The following NFXL1 variants were observed in gnomAD, a reference collection of about 807,000 sequenced individuals.
The protein encoded by NFXL1 is NF-X1-type zinc finger protein NFXL1.
A neutral mutation model predicts 123.3 loss-of-function variants in NFXL1; 66 were observed. The ratio of observed to expected loss-of-function variants is 0.54; its 90% CI spans 0.44 to 0.66. NFXL1 has a LOEUF of 0.66. Among genes scored for constraint, NFXL1 ranks in the 30% least tolerant of loss-of-function variants. The pLI is 0.00. For synonymous variants in NFXL1, 346 were observed against 360.8 expected (o/e 0.96, Z 0.46); for missense variants, 944 against 1,125.6 (o/e 0.84, Z 2.31).
At chr4:47,881,113 CTATAGA>C (rs1315173672) in intron 15 of NFXL1, among the ~76,000 whole-genome samples, 8 of 151,844 alleles carry the variant, frequency 5.3e-5, no homozygotes, top group Non-Finnish European at 1.0e-4. Context: ...CAATGGATAT[CTATAGA>C]TATAGATATC....
At chr4:47,902,507 G>A (rs575756186) in intron 5 of NFXL1, among the ~76,000 whole-genome samples, 83 of 152,116 alleles carry the variant, frequency 5.5e-4, no homozygotes, top group African/African-American at 1.9e-3. Context: ...ATAAAACTGG[G>A]AATCTTATAA....
In NFXL1 at chr4:47,855,137, C is replaced by T. The variant is rs1342608360; in HGVS notation, c.2343G>A (p.Glu781=). 1.3e-6 allele frequency: 2 copies of T among 1,588,082 alleles called. No individual in the cohort carries two copies. Among genetic ancestry groups the T allele is most frequent in the East Asian group, 2.3e-5 (1 of 44,014 alleles). The part of the protein sequence containing the change: ...KELPCGHRCK[E]MCHPGECPFN... Reference sequence around the variant, plus strand: ...AGGGACATTCACCAGGATGACACATCTCTTTGCATCTATGACCACAAGGAA... The same window carrying T: ...AGGGACATTCACCAGGATGACACATTTCTTTGCATCTATGACCACAAGGAA... The change falls in exon 20 of 23, where the codon GAG becomes GAA. Residue 781 remains glutamate (E), a synonymous_variant. Transcript: ENST00000507489.
intron 18 of NFXL1, among the ~76,000 whole-genome samples, chr4:47,866,175 G>A (rs747279102): frequency 1.3e-5 from 2 of 151,858 alleles, no homozygotes; most frequent in Non-Finnish European, 2.9e-5. Context: ...CAAGATTCAA[G>A]TAGCCAATCT....
intron 15 of NFXL1, chr4:47,882,376 C>G (rs182852304): frequency 6.6e-6 from 1 of 152,178 alleles, no homozygotes; most frequent in Non-Finnish European, 1.5e-5. Context: ...AAGGCATACA[C>G]ATTTCCATTT....
intron 2 of NFXL1, among the ~76,000 whole-genome samples, chr4:47,911,452 T>C (rs972673706): frequency 5.9e-5 from 9 of 152,148 alleles, no homozygotes; most frequent in Non-Finnish European, 8.8e-5. Flanking sequence ...ACAGGTAGGA[T>C]AGGACACGAC....
At chr4:47,911,287 T>TA (rs1468145449) in intron 2 of NFXL1, among the ~76,000 whole-genome samples, 3 of 152,148 alleles carry the variant, frequency 2.0e-5, no homozygotes, top group African/African-American at 4.8e-5. Context: ...ACTATCAAAA[T>TA]ACTGGTGATC....
In NFXL1 at chr4:47,851,920, C is replaced by T. The variant is rs918388133; in HGVS notation, c.2444G>A (p.Arg815His). ...ACATTCTATTGAAACCTGATTTTCA[C>T]GTACTTTGTTGCACTGCAATTCCTA... ...IKKELQCNKV[R>H]ENQVSIECDT... is the part of the protein sequence containing the mutation. The change falls in exon 21 of 23, where the codon CGT becomes CAT. Residue 815 changes from arginine (R) to histidine (H), a missense_variant. By Grantham distance (29) the Arg-to-His change is conservative. Transcript: ENST00000507489. The T allele has an allele frequency of 1.5e-5, 24 of 1,610,872 alleles. No individual in the cohort carries two copies. The Admixed American group carries it at 3.2e-4, about 21-fold the overall frequency.
At chr4:47,894,862 G>A (rs1265013722) in intron 10 of NFXL1, among the ~76,000 whole-genome samples, 1 of 152,084 alleles carries the variant, frequency 6.6e-6, no homozygotes, top group African/African-American at 2.4e-5. Context: ...TTTCCAGAAG[G>A]TTTTCAATTT....
At chr4:47,858,825 C>G (rs1159092116) in intron 19 of NFXL1, among the ~76,000 whole-genome samples, 1 of 152,086 alleles carries the variant, frequency 6.6e-6, no homozygotes, top group East Asian at 1.9e-4. Context: ...GTAGAGTTAA[C>G]ATGGTATTCA....
In NFXL1 at chr4:47,890,584, A is replaced by C. The variant is rs1172435833; in HGVS notation, c.1543+29T>G. 2.4e-6 allele frequency: 3 copies of C among 1,252,216 alleles called. No homozygotes were observed. In the Admixed American group the frequency reaches 5.2e-5, roughly 22 times the overall value. The allele number at this position is 1,252,216 out of a possible 1,614,324, so 77.6% of individuals were successfully genotyped here. A position where few individuals can be genotyped will look rare whatever the true frequency, so the allele number is the denominator to read the frequency against. On this transcript the variant is annotated intron_variant, in intron 12 of 22. Transcript: ENST00000507489. ...AAAAAACCACTACATCACTACAAACATAAAATCATAGCTATTATTAAAGTT... is the reference window on the plus strand; with the variant it reads ...AAAAAACCACTACATCACTACAAACCTAAAATCATAGCTATTATTAAAGTT...
chr4:47,898,609 A>G, intron 8 of NFXL1, 148 bp downstream of exon 8: 1 of 569,122 alleles, frequency 1.8e-6, no homozygotes, highest in Non-Finnish European at 3.2e-6. Context: ...ATTTAAAAGT[A>G]GTTTCTTAAA....
chr4:47,910,679 A>G, intron 3 of NFXL1, 145 bp downstream of exon 3: 1 of 441,590 alleles, frequency 2.3e-6, no homozygotes, highest in Non-Finnish European at 4.0e-6. Context: ...CTCAAATACC[A>G]AAGTGTACAA....
chr4:47,875,328 C>T (rs1320490358), intron 17 of NFXL1, 35 bp from the exon 18 acceptor site: 4 of 1,516,984 alleles, frequency 2.6e-6, no homozygotes, highest in East Asian at 4.6e-5. Context: ...CACCTAAGTA[C>T]AAGGTAAGCC....
chr4:47,914,052 G>A lies in NFXL1; in HGVS notation c.152C>T (p.Pro51Leu), dbSNP rs776268419. Residue 51 changes from proline (P) to leucine (L), a missense_variant, in exon 2 of 23, where the codon CCC becomes CTC. By Grantham distance (98) the Pro-to-Leu change is moderately conservative (BLOSUM62 -3). Transcript: ENST00000507489. ...AGCCGCCGTGGTCGCGACTCCTCCG[G>A]GACTGGTGCCAGAAGGAACTGCGCC... ...SVGAVPSGTS[P>L]GGVATTAAAG... 3 of 1,549,724 alleles carry A rather than the reference G, an allele frequency of 1.9e-6. No homozygotes were observed. The highest frequency in any genetic ancestry group is 4.9e-5 in the East Asian group (2 of 40,910).
In NFXL1 at chr4:47,884,338, A is replaced by G. The variant is rs745454306; in HGVS notation, c.1916+8T>C. 2 of 1,496,960 alleles carry G rather than the reference A, an allele frequency of 1.3e-6. No homozygotes were observed. The highest frequency in any genetic ancestry group is 4.5e-5 in the East Asian group (2 of 44,260). The allele number at this position is 1,496,960 out of a possible 1,614,324, so 92.7% of individuals were successfully genotyped here. On this transcript the variant is annotated splice_region_variant and intron_variant, in intron 15 of 22. Coordinates refer to ENST00000507489, the MANE Select transcript of NFXL1 (RefSeq NM_001278624.2). ...TTTTTTTTTTTTAATTGAAATTCTA[A>G]TACTTACATAGGAATAGGAACTTGA...
intron 19 of NFXL1, among the ~76,000 whole-genome samples, chr4:47,861,191 G>C (rs1734747791): frequency 6.6e-6 from 1 of 152,092 alleles, no homozygotes; most frequent in South Asian, 2.1e-4. Flanking sequence ...AACCCTTAAA[G>C]TGATTCTAAT....
intron 11 of NFXL1, 51 bp downstream of exon 11, chr4:47,894,129 G>T (rs767341762): frequency 1.4e-6 from 2 of 1,455,930 alleles, no homozygotes; most frequent in Non-Finnish European, 1.8e-6. Flanking sequence ...CCAAAATGGA[G>T]AAATTCAATA....
intron 10 of NFXL1, among the ~76,000 whole-genome samples, chr4:47,895,074 T>C (rs1168959602): frequency 3.3e-5 from 5 of 152,188 alleles, no homozygotes; most frequent in East Asian, 1.9e-4. Flanking sequence ...CCACGTGCAT[T>C]GTCAATGAGC....
chr4:47,896,811 C>T lies in NFXL1; in HGVS notation c.1205-164G>A, dbSNP rs189369847. The T allele has an allele frequency of 1.9e-3, 1,027 of 546,996 alleles. 3 individuals are homozygous for T. Among genetic ancestry groups the T allele is most frequent in the Admixed American group, 2.5e-3 (77 of 30,888 alleles). 33.9% of individuals were successfully genotyped at this position (546,996 alleles called of 1,614,324 possible). ...AAATTAACTTTAATGAAAATAATCC[C>T]TAATATTTGTGAAGTTTATGGTTTT... On this transcript the variant is annotated intron_variant, in intron 9 of 22. Transcript: ENST00000507489.
Sources: gnomAD v4.1 joint callset for allele counts (sites outside exome capture counted in the v4.1 genomes callset) on GRCh38, gnomAD v4.1.1 for gene constraint, MANE v1.5 for transcripts, NCBI Gene and HGNC (gene_info 2026-07-23, HGNC 2026-07-21) for gene names.